Variants in IRAG1 observed in about 807,000 individuals in gnomAD.
IRAG1 encodes the protein inositol 1,4,5-triphosphate receptor associated 1, also known as IP3R-associated cGMP kinase substrate.
Under a neutral mutation model 106.2 loss-of-function variants are expected in IRAG1, and 62 were observed. The observed-to-expected ratio is 0.58, with a 90% CI of 0.48 to 0.72. The LOEUF is 0.72. Ranked by LOEUF, IRAG1 falls within the 30% of genes least tolerant of loss-of-function variation. The pLI is 0.00. For missense variants in IRAG1, 1,064 were observed against 1,140.7 expected, an observed-to-expected ratio of 0.93 and a Z score of 0.97; for synonymous variants, 462 against 443.9, an observed-to-expected ratio of 1.04 and a Z score of -0.51.
intron 1 of IRAG1, chr11:10,687,553 G>A (rs921970355): frequency 2.7e-5 from 19 of 700,748 alleles, no homozygotes; most frequent in South Asian, 4.4e-5. Context: ...TCAGTCATAC[G>A]GGTGATATTA....
chr11:10,609,714 C>T lies in IRAG1; in HGVS notation c.1571+14G>A, dbSNP rs1485782057. 2 of 1,613,278 alleles carry T rather than the reference C, an allele frequency of 1.2e-6. No homozygotes were observed. The highest frequency in any genetic ancestry group is 1.3e-5 in the African/African-American group (1 of 75,014). ...TCGGTACAGGGCCTTCTGTAACCCACATCCTGATTTTACCTTCCAGGGAGA... is the reference window on the plus strand; with the variant it reads ...TCGGTACAGGGCCTTCTGTAACCCATATCCTGATTTTACCTTCCAGGGAGA... On this transcript the variant is annotated intron_variant, in intron 11 of 20. Coordinates refer to ENST00000423302, the MANE Select transcript of IRAG1 (RefSeq NM_130385.4).
At position 10,613,727 on chromosome 11, in the gene IRAG1, TG is replaced by T. The variant is rs377011260; in HGVS notation, c.1448-3877del. Among the ~76,000 whole-genome samples the T allele has an allele frequency of 6.9e-3, 1,052 of 152,318 alleles. 10 individuals are homozygous for T. The highest frequency in any genetic ancestry group is 0.023 in the African/African-American group (964 of 41,546). Reference sequence around the variant, plus strand: ...GGAAATGTAGGAAGAAATGTGAAGGTGGGAAGATATTCGGCCATTCTCATCT... The same window carrying T: ...GGAAATGTAGGAAGAAATGTGAAGGTGGAAGATATTCGGCCATTCTCATCT... On this transcript the variant is annotated intron_variant, in intron 10 of 20. Transcript: ENST00000423302.
At chr11:10,612,735 C>A (rs777764997) in intron 10 of IRAG1, among the ~76,000 whole-genome samples, 1 of 151,674 alleles carries the variant, frequency 6.6e-6, no homozygotes, top group Non-Finnish European at 1.5e-5. Flanking sequence ...AGAAACACAT[C>A]AAAAAATGCA....
intron 2 of IRAG1, among the ~76,000 whole-genome samples, chr11:10,638,543 T>C (rs757189530): frequency 3.9e-5 from 6 of 152,256 alleles, no homozygotes; most frequent in Non-Finnish European, 8.8e-5. Flanking sequence ...CTTCTTTCCC[T>C]GGATTTTATT....
intron 7 of IRAG1, 66 bp from the exon 8 acceptor site, chr11:10,627,826 C>T: frequency 6.2e-7 from 1 of 1,606,994 alleles, no homozygotes; most frequent in South Asian, 1.1e-5. Context: ...CTTGAAATAT[C>T]CCCAAGGAGG....
intron 16 of IRAG1, chr11:10,593,908 T>G (rs1852962396): frequency 3.5e-6 from 2 of 576,356 alleles, no homozygotes; most frequent in African/African-American, 1.9e-5. Context: ...CCTGTAGCAA[T>G]ATGAAGGCTT....
chr11:10,593,281 T>C, intron 17 of IRAG1: 1 of 423,324 alleles, frequency 2.4e-6, no homozygotes, highest in Non-Finnish European at 4.3e-6. Flanking sequence ...GCCAACACCA[T>C]GCTGAGGGCA....
At chr11:10,578,498 G>A (rs1161197513) in intron 20 of IRAG1, among the ~76,000 whole-genome samples, 1 of 152,236 alleles carries the variant, frequency 6.6e-6, no homozygotes, top group Non-Finnish European at 1.5e-5. Flanking sequence ...ATACTTTAAT[G>A]TGTGATGTTG....
chr11:10,616,315 A>G (rs1855427445), intron 10 of IRAG1, among the ~76,000 whole-genome samples: 1 of 150,956 alleles, frequency 6.6e-6, no homozygotes, highest in Non-Finnish European at 1.5e-5. Flanking sequence ...AGAAAAATCC[A>G]CTTTTACATA....
intron 2 of IRAG1, among the ~76,000 whole-genome samples, chr11:10,648,953 G>A (rs1858214507): frequency 6.6e-6 from 1 of 152,174 alleles, no homozygotes; most frequent in Non-Finnish European, 1.5e-5. Flanking sequence ...TCACAACTAG[G>A]GCTGGACCCC....
intron 17 of IRAG1, among the ~76,000 whole-genome samples, chr11:10,592,591 G>T (rs1024772624): frequency 6.6e-6 from 1 of 152,158 alleles, no homozygotes; most frequent in Non-Finnish European, 1.5e-5. Context: ...ATAGGCAGGG[G>T]ATAGAGAAAC....
At chr11:10,693,446 T>A in intron 1 of IRAG1, 90 bp downstream of exon 1, 1 of 1,515,296 alleles carries the variant, frequency 6.6e-7, no homozygotes, top group Non-Finnish European at 8.8e-7. Flanking sequence ...AGCACCCCCA[T>A]CCCAGCACCC....
rs1850800577 is a variant in IRAG1 at position 10,576,139 on chromosome 11, G to GT, written c.*192dup. On this transcript the variant is annotated 3_prime_UTR_variant, in exon 21 of 21. Transcript: ENST00000423302. ...CTGGATGCTTTCCCAGGGCAGTTTT[G>GT]TTGATCCTCCAAGAACATCAAGTCA... 2 of 699,890 alleles carry GT rather than the reference G, an allele frequency of 2.9e-6. No individual in the cohort carries two copies. Among genetic ancestry groups the GT allele is most frequent in the African/African-American group, 3.6e-5 (2 of 55,688 alleles). 43.4% of individuals were successfully genotyped at this position (699,890 alleles called of 1,614,324 possible).
chr11:10,690,486 T>G, intron 1 of IRAG1: 1 of 1,231,206 alleles, frequency 8.1e-7, no homozygotes, highest in South Asian at 1.4e-5. Flanking sequence ...GTGAGTTACC[T>G]CTGCTAAGAC....
chr11:10,681,902 T>A (rs973602664), intron 1 of IRAG1, among the ~76,000 whole-genome samples: 1 of 152,182 alleles, frequency 6.6e-6, no homozygotes, highest in Non-Finnish European at 1.5e-5. Flanking sequence ...ACCATAATGA[T>A]CTAACCCTTT....
At chr11:10,623,370 T>G (rs1045559044) in intron 10 of IRAG1, among the ~76,000 whole-genome samples, 1 of 152,188 alleles carries the variant, frequency 6.6e-6, no homozygotes, top group Non-Finnish European at 1.5e-5. Context: ...GGAAGGGGCC[T>G]GCAGCTACCC....
At chr11:10,642,121 A>G (rs552710120) in intron 2 of IRAG1, among the ~76,000 whole-genome samples, 16 of 152,280 alleles carry the variant, frequency 1.1e-4, no homozygotes, top group African/African-American at 3.9e-4. Flanking sequence ...CCCTTGGCTC[A>G]CTGCCCTTCT....
rs1850712954 is a variant in IRAG1 at position 10,574,196 on chromosome 11, TCA to T, written c.*2134_*2135del. The T allele has an allele frequency of 6.6e-6, 1 of 152,252 alleles. No homozygotes were observed. The highest frequency in any genetic ancestry group is 1.5e-5 in the Non-Finnish European group (1 of 68,076). The allele number at this position is 152,252 out of a possible 1,614,324, so 9.4% of individuals were successfully genotyped here. A position where few individuals can be genotyped will look rare whatever the true frequency, so the allele number is the denominator to read the frequency against. On this transcript the variant is annotated 3_prime_UTR_variant, in exon 21 of 21. Coordinates refer to ENST00000423302, the MANE Select transcript of IRAG1 (RefSeq NM_130385.4). ...CTAGTCTGGTCTCATTCCTGCTCTC[TCA>T]CAGAGTAGACTGAAAAACAGAATAA...
In IRAG1 at chr11:10,625,963, C is replaced by T. The variant is rs777725848; in HGVS notation, c.1368+3G>A. On this transcript the variant is annotated splice_donor_region_variant and intron_variant, in intron 9 of 20. Coordinates refer to ENST00000423302, the MANE Select transcript of IRAG1 (RefSeq NM_130385.4). ...TCTGCCCAACTGGCCCCCAGGAACC[C>T]ACCTCTCGGAGCTTGGTCAGTTTCT... 17 of 1,468,188 alleles carry T rather than the reference C, an allele frequency of 1.2e-5. No individual in the cohort carries two copies. The East Asian group carries it at 4.1e-4, about 35-fold the overall frequency. 90.9% of individuals were successfully genotyped at this position (1,468,188 alleles called of 1,614,324 possible). A position where few individuals can be genotyped will look rare whatever the true frequency, so the allele number is the denominator to read the frequency against.
Sources: gnomAD v4.1 joint callset for allele counts (sites outside exome capture counted in the v4.1 genomes callset) on GRCh38, gnomAD v4.1.1 for gene constraint, MANE v1.5 for transcripts, NCBI Gene and HGNC (gene_info 2026-07-23, HGNC 2026-07-21) for gene names.